Variants in PAPPA observed in about 807,000 individuals in gnomAD.
PAPPA encodes pappalysin-1.
PAPPA carries 60 observed loss-of-function variants against 164.0 expected under a neutral mutation model. That is an observed-to-expected ratio of 0.37 (90% CI 0.30 to 0.45). The LOEUF (loss-of-function observed/expected upper bound fraction) is 0.45. Among genes scored for constraint, PAPPA ranks in the 20% least tolerant of loss-of-function variants. The probability of loss-of-function intolerance (pLI) is 1.00; values close to 1 mark genes in which losing one functional copy is unlikely to be tolerated. For missense variants in PAPPA, 1,782 were observed against 2,087.3 expected (o/e 0.85, Z 2.85); for synonymous variants, 875 against 814.1 (o/e 1.07, Z -1.27).
chr9:116,278,905 G>A (rs1429093219), intron 9 of PAPPA, among the ~76,000 whole-genome samples: 1 of 152,128 alleles, frequency 6.6e-6, no homozygotes, highest in Non-Finnish European at 1.5e-5. Flanking sequence ...AGCAGTTAGT[G>A]GACAATCAAG....
At chr9:116,216,797 A>T (rs551685982) in intron 4 of PAPPA, among the ~76,000 whole-genome samples, 133 of 152,088 alleles carry the variant, frequency 8.7e-4, no homozygotes, top group African/African-American at 2.8e-3. Context: ...GCTGGAGTGC[A>T]GTGGTGTGAT....
At chr9:116,193,463 T>C (rs750108997) in intron 2 of PAPPA, among the ~76,000 whole-genome samples, 1 of 152,088 alleles carries the variant, frequency 6.6e-6, no homozygotes, top group East Asian at 1.9e-4. Context: ...AGTAGATGGG[T>C]CCAGTACTTT....
intron 10 of PAPPA, among the ~76,000 whole-genome samples, chr9:116,307,322 G>T (rs541583834): frequency 6.6e-6 from 1 of 152,120 alleles, no homozygotes; most frequent in Non-Finnish European, 1.5e-5. Context: ...AAACCAGGCC[G>T]GGCACGGTGG....
intron 1 of PAPPA, among the ~76,000 whole-genome samples, chr9:116,170,671 A>G (rs1003338451): frequency 5.3e-5 from 7 of 131,708 alleles, no homozygotes; most frequent in African/African-American, 1.5e-4. Context: ...CCACCCTTCC[A>G]TCAATCCATC....
At chr9:116,331,208 C>G in intron 10 of PAPPA, 36 bp from the exon 11 acceptor site, 1 of 1,323,238 alleles carries the variant, frequency 7.6e-7, no homozygotes, top group South Asian at 1.2e-5. Flanking sequence ...CTGACACTCT[C>G]TAAAACATGA....
At chr9:116,334,813 C>T (rs1363663911) in intron 12 of PAPPA, 48 bp from the exon 13 acceptor site, 1 of 1,448,456 alleles carries the variant, frequency 6.9e-7, no homozygotes, top group Admixed American at 1.7e-5. Context: ...GCGTGACTGG[C>T]CTTGAGTAAT....
intron 12 of PAPPA, among the ~76,000 whole-genome samples, chr9:116,334,015 C>T (rs1482294278): frequency 2.0e-5 from 3 of 152,074 alleles, no homozygotes; most frequent in Non-Finnish European, 2.9e-5. Context: ...TAGGATTATA[C>T]CATTTTTTGG....
At chr9:116,265,829 A>G (rs1350906598) in intron 7 of PAPPA, 28 bp from the exon 8 acceptor site, 4 of 1,567,060 alleles carry the variant, frequency 2.6e-6, no homozygotes, top group Non-Finnish European at 3.5e-6. Context: ...TTGTAATTGT[A>G]TAATTATGTC....
chr9:116,281,745 C>T (rs1845270410), intron 9 of PAPPA, among the ~76,000 whole-genome samples: 1 of 152,148 alleles, frequency 6.6e-6, no homozygotes, highest in African/African-American at 2.4e-5. Context: ...AATGTGGCCT[C>T]CATTCAATAA....
Position 116,334,939 on chromosome 9 carries a change from G to C in PAPPA, c.3476G>C (p.Ser1159Thr). The C allele has an allele frequency of 6.2e-7, 1 of 1,613,622 alleles. No individual in the cohort carries two copies. Among genetic ancestry groups the C allele is most frequent in the Non-Finnish European group, 8.5e-7 (1 of 1,179,942 alleles). ...GACCTCAGCCAGCCCTTCTACCACAGCCAGGCGGTACGTGTGAGCTTCAGT... is the reference window on the plus strand; with the variant it reads ...GACCTCAGCCAGCCCTTCTACCACACCCAGGCGGTACGTGTGAGCTTCAGT... ...VHDLSQPFYH[S>T]QAVRVSFSSP... Residue 1159 changes from serine (S) to threonine (T), a missense_variant, in exon 13 of 22, where the codon AGC becomes ACC. This residue lies in a region of PAPPA where 1,324 missense variants were observed against 1,656.9 expected (regional missense o/e 0.80). Transcript: ENST00000328252.
chr9:116,199,455 T>C (rs1418916723), intron 2 of PAPPA, among the ~76,000 whole-genome samples: 1 of 152,200 alleles, frequency 6.6e-6, no homozygotes, highest in African/African-American at 2.4e-5. Context: ...TGAATACCAC[T>C]ACTTCTTATA....
At chr9:116,217,391 T>A (rs1844387496) in intron 4 of PAPPA, among the ~76,000 whole-genome samples, 1 of 152,184 alleles carries the variant, frequency 6.6e-6, no homozygotes, top group Admixed American at 6.5e-5. Flanking sequence ...TAGTATTCTG[T>A]TCTATGTCTG....
chr9:116,229,323 T>C (rs949282309), intron 6 of PAPPA, among the ~76,000 whole-genome samples: 2 of 152,236 alleles, frequency 1.3e-5, no homozygotes, highest in Non-Finnish European at 1.5e-5. Flanking sequence ...CAATTACATA[T>C]GACATCATTT....
At chr9:116,294,071 C>A (rs571916307) in intron 9 of PAPPA, among the ~76,000 whole-genome samples, 1 of 152,156 alleles carries the variant, frequency 6.6e-6, no homozygotes, top group South Asian at 2.1e-4. Flanking sequence ...AGATGCAAAG[C>A]CAGTTTTGAG....
intron 7 of PAPPA, among the ~76,000 whole-genome samples, chr9:116,236,314 G>A (rs999504964): frequency 1.3e-5 from 2 of 152,036 alleles, no homozygotes; most frequent in Non-Finnish European, 2.9e-5. Flanking sequence ...GGCCAGGGAG[G>A]TGGCTCACTC....
At chr9:116,327,487 T>C (rs965165567) in intron 10 of PAPPA, among the ~76,000 whole-genome samples, 1 of 152,000 alleles carries the variant, frequency 6.6e-6, no homozygotes, top group Non-Finnish European at 1.5e-5. Context: ...GCCCCTAGAA[T>C]GCGTGATATA....
Position 116,353,664 on chromosome 9 carries a change from G to A in PAPPA, c.4218G>A (p.Gln1406=), listed in dbSNP as rs1207804603. 8 of 1,614,144 alleles carry A rather than the reference G, an allele frequency of 5.0e-6. No individual in the cohort carries two copies. Among genetic ancestry groups the A allele is most frequent in the Non-Finnish European group, 6.8e-6 (8 of 1,180,020 alleles). ...KTQCTQDGSW[Q]EGACVPVTCD... Reference sequence around the variant, plus strand: ...AGTGTACCCAGGATGGCAGCTGGCAGGAGGGAGCTTGTGTTCCTGTGACCT... The same window carrying A: ...AGTGTACCCAGGATGGCAGCTGGCAAGAGGGAGCTTGTGTTCCTGTGACCT... The change falls in exon 17 of 22, where the codon CAG becomes CAA. Residue 1406 remains glutamine (Q), a synonymous_variant. Transcript: ENST00000328252.
chr9:116,250,033 G>A (rs1030924748), intron 7 of PAPPA, among the ~76,000 whole-genome samples: 2 of 151,962 alleles, frequency 1.3e-5, no homozygotes, highest in African/African-American at 4.8e-5. Flanking sequence ...GTGTGTGTGT[G>A]TGTGTGTGTG....
chr9:116,234,820 CTTTACTTCT>C (rs1844640044), intron 6 of PAPPA, among the ~76,000 whole-genome samples: 1 of 152,132 alleles, frequency 6.6e-6, no homozygotes, highest in African/African-American at 2.4e-5. Context: ...AATATGTACC[CTTTACTTCT>C]TTTCATCTTA....
Sources: allele counts gnomAD v4.1 joint callset (sites outside exome capture counted in the v4.1 genomes callset), GRCh38; gene constraint gnomAD v4.1.1; regional missense constraint gnomAD v4.1.1; transcripts MANE v1.5; gene names NCBI Gene and HGNC (gene_info 2026-07-23, HGNC 2026-07-21).